The following AGPAT5 variants were observed in gnomAD, a reference collection of about 807,000 sequenced individuals.
The protein encoded by AGPAT5 is 1-acyl-sn-glycerol-3-phosphate acyltransferase epsilon.
AGPAT5 carries 46 observed loss-of-function variants against 45.6 expected under a neutral mutation model. The observed-to-expected ratio is 1.01, with a 90% CI of 0.80 to 1.29. The LOEUF (loss-of-function observed/expected upper bound fraction) is 1.29, where lower values mean the gene tolerates loss of function less well. Ranked by LOEUF, AGPAT5 falls within the 50% of genes most tolerant of loss-of-function variation. The pLI is 0.00. For synonymous variants in AGPAT5, 272 were observed against 167.0 expected (o/e 1.63, Z -4.85); for missense variants, 673 against 450.7 (o/e 1.49, Z -4.47).
chr8:6,749,891 G>A (rs976247703), intron 6 of AGPAT5, among the ~76,000 whole-genome samples: 1 of 152,224 alleles, frequency 6.6e-6, no homozygotes, highest in Admixed American at 6.5e-5. Flanking sequence ...GCCAGCCTCT[G>A]TTGCCTGCCA....
At chr8:6,748,536 G>A (rs886961105) in intron 6 of AGPAT5, among the ~76,000 whole-genome samples, 3 of 152,020 alleles carry the variant, frequency 2.0e-5, no homozygotes, top group South Asian at 2.1e-4. Context: ...CAAGAGTTTC[G>A]CTCTGTCGCC....
chr8:6,750,970 T>G (rs1303651028), intron 6 of AGPAT5, among the ~76,000 whole-genome samples: 2 of 152,240 alleles, frequency 1.3e-5, no homozygotes, highest in Non-Finnish European at 2.9e-5. Context: ...TAAGATATAA[T>G]AATAACACGT....
chr8:6,717,173 A>T (rs550857938), intron 1 of AGPAT5, among the ~76,000 whole-genome samples: 1 of 152,320 alleles, frequency 6.6e-6, no homozygotes, highest in South Asian at 2.1e-4. Context: ...TACTTTTTGT[A>T]ATTTTTGAGC....
intron 1 of AGPAT5, chr8:6,709,582 A>C (rs1282337689): frequency 9.3e-5 from 14 of 150,344 alleles, no homozygotes; most frequent in Admixed American, 9.3e-4. Context: ...AAAAAGGTGA[A>C]TTTTTCTTTT....
chr8:6,719,563 C>T (rs910592361), intron 1 of AGPAT5, among the ~76,000 whole-genome samples: 1 of 152,168 alleles, frequency 6.6e-6, no homozygotes, highest in African/African-American at 2.4e-5. Flanking sequence ...CACACTTCTT[C>T]CAAATATTTG....
chr8:6,713,394 T>C (rs1232944599), intron 1 of AGPAT5, among the ~76,000 whole-genome samples: 1 of 152,234 alleles, frequency 6.6e-6, no homozygotes, highest in Non-Finnish European at 1.5e-5. Context: ...CAAATGCTAA[T>C]GTAATATAAC....
chr8:6,735,331 C>T (rs1405560872), intron 4 of AGPAT5, among the ~76,000 whole-genome samples: 1 of 152,184 alleles, frequency 6.6e-6, no homozygotes, highest in Non-Finnish European at 1.5e-5. Context: ...CTCCCACAAG[C>T]CTACATCCAG....
intron 5 of AGPAT5, among the ~76,000 whole-genome samples, chr8:6,746,976 A>G (rs2116944089): frequency 6.6e-6 from 1 of 152,308 alleles, no homozygotes; most frequent in South Asian, 2.1e-4. Context: ...CCAGCTAAAG[A>G]ACCTTTTAAA....
rs1801994781 is a variant in AGPAT5 at position 6,760,379 on chromosome 8, C to T, written c.*2991C>T. 6.6e-6 allele frequency among the ~76,000 whole-genome samples: 1 copy of T among 152,022 alleles called. No individual in the cohort carries two copies. Among genetic ancestry groups the T allele is most frequent in the African/African-American group, 2.4e-5 (1 of 41,352 alleles). On this transcript the variant is annotated 3_prime_UTR_variant, in exon 8 of 8. Transcript: ENST00000285518. ...TACCACTGCACTACAGCCTAGGTAA[C>T]AGCACGAGACCCCAACTCTTAGAAA... is the stretch of plus-strand genomic sequence containing the variant.
intron 2 of AGPAT5, among the ~76,000 whole-genome samples, chr8:6,726,800 G>A (rs891885767): frequency 2.6e-5 from 4 of 152,046 alleles, no homozygotes; most frequent in Non-Finnish European, 4.4e-5. Context: ...TTGTATCACC[G>A]CTCTGGCACC....
At chr8:6,711,293 C>T (rs1467780259) in intron 1 of AGPAT5, among the ~76,000 whole-genome samples, 1 of 152,168 alleles carries the variant, frequency 6.6e-6, no homozygotes, top group Admixed American at 6.5e-5. Flanking sequence ...TTCTTGGATT[C>T]TGGGTAAATA....
At chr8:6,746,367 A>C (rs1384294279) in intron 5 of AGPAT5, 1 of 152,216 alleles carries the variant, frequency 6.6e-6, no homozygotes, top group East Asian at 1.9e-4. Context: ...TAAAACATTC[A>C]TGATAATTCA....
chr8:6,743,189 A>G (rs1801294486), intron 5 of AGPAT5, among the ~76,000 whole-genome samples: 2 of 152,122 alleles, frequency 1.3e-5, no homozygotes, highest in Middle Eastern at 3.4e-3. Flanking sequence ...TCTCCCTGCT[A>G]CATGTGTTAT....
In AGPAT5 at chr8:6,757,249, A is replaced by G. The variant is rs748463440; in HGVS notation, c.956A>G (p.Lys319Arg). ...GKSVNSKLSI[K>R]KTLPSMLILS... Reference sequence around the variant, plus strand: ...AGTGTTAATTCCAAATTAAGTATCAAGAAGACTTTACCATCAATGTTGATC... The same window carrying G: ...AGTGTTAATTCCAAATTAAGTATCAGGAAGACTTTACCATCAATGTTGATC... The change falls in exon 8 of 8, where the codon AAG becomes AGG. Residue 319 changes from lysine to arginine, a missense_variant. By Grantham distance (26) the Lys-to-Arg change is conservative. Coordinates refer to ENST00000285518, the MANE Select transcript of AGPAT5 (RefSeq NM_018361.5). 7.4e-6 allele frequency: 12 copies of G among 1,614,084 alleles called. No homozygotes were observed. Among genetic ancestry groups the G allele is most frequent in the Admixed American group, 5.0e-5 (3 of 60,018 alleles).
chr8:6,744,873 C>G (rs530678350), intron 5 of AGPAT5, among the ~76,000 whole-genome samples: 10 of 152,326 alleles, frequency 6.6e-5, no homozygotes, highest in Admixed American at 5.9e-4. Context: ...CCCTTGGCAA[C>G]CCTGTTTGTT....
At chr8:6,741,066 T>C (rs1196690322) in intron 4 of AGPAT5, among the ~76,000 whole-genome samples, 1 of 152,168 alleles carries the variant, frequency 6.6e-6, no homozygotes, top group African/African-American at 2.4e-5. Flanking sequence ...CAGCTTGATA[T>C]TCTTCTTTAT....
chr8:6,754,704 G>C (rs747216047), intron 6 of AGPAT5, among the ~76,000 whole-genome samples: 8 of 152,156 alleles, frequency 5.3e-5, no homozygotes, highest in Non-Finnish European at 7.4e-5. Context: ...CCTTCAGAGA[G>C]GTGAGTATGG....
At chr8:6,718,213 G>A (rs1587005205) in intron 1 of AGPAT5, among the ~76,000 whole-genome samples, 2 of 152,352 alleles carry the variant, frequency 1.3e-5, no homozygotes, top group East Asian at 3.9e-4. Context: ...TGCATGCTGA[G>A]TGTATGAGAA....
rs879487071 is a variant in AGPAT5, at chr8:6,739,141, T to C, written c.496-2520T>C. On this transcript the variant is annotated intron_variant, in intron 4 of 7. Coordinates refer to ENST00000285518, the MANE Select transcript of AGPAT5 (RefSeq NM_018361.5). ...TCAATGGAGCATTTGTTCTGTTATATTGATCTATATATATATATCCTTATG... is the reference window on the plus strand; with the variant it reads ...TCAATGGAGCATTTGTTCTGTTATACTGATCTATATATATATATCCTTATG... 3.3e-5 allele frequency among the ~76,000 whole-genome samples: 5 copies of C among 151,764 alleles called. No individual in the cohort carries two copies. The South Asian group carries it at 8.3e-4, about 25-fold the overall frequency.
Sources: gnomAD v4.1 joint callset for allele counts (sites outside exome capture counted in the v4.1 genomes callset) on GRCh38, gnomAD v4.1.1 for gene constraint, MANE v1.5 for transcripts, NCBI Gene and HGNC (gene_info 2026-07-23, HGNC 2026-07-21) for gene names.